The following DPH3 variants were observed in gnomAD, a reference collection of about 807,000 sequenced individuals.
DPH3 encodes the protein diphthamide biosynthesis protein 3.
A neutral mutation model predicts 10.2 loss-of-function variants in DPH3; 8 were observed. The observed-to-expected ratio is 0.79, with a 90% CI of 0.46 to 1.42. The LOEUF is 1.42. Among genes scored for constraint, DPH3 ranks in the 40% most tolerant of loss-of-function variants. DPH3 has a pLI of 0.00. For missense variants in DPH3, 96 were observed against 98.9 expected (o/e 0.97, Z 0.12); for synonymous variants, 35 against 35.6 (o/e 0.98, Z 0.06).
intron 1 of DPH3, 26 bp downstream of exon 1, chr3:16,264,743 A>G: frequency 6.2e-7 from 1 of 1,611,552 alleles, no homozygotes; most frequent in Non-Finnish European, 8.5e-7. Context: ...GCTTGGGTGA[A>G]CCGCCGGGCG....
rs955855815 is a variant in DPH3 at position 16,257,519 on chromosome 3, T to C, written c.*3245A>G. Among the ~76,000 whole-genome samples the C allele has an allele frequency of 2.0e-5, 3 of 152,246 alleles. No individual in the cohort carries two copies. Among genetic ancestry groups the C allele is most frequent in the Non-Finnish European group, 4.4e-5 (3 of 68,046 alleles). On this transcript the variant is annotated 3_prime_UTR_variant, in exon 3 of 3. Coordinates refer to ENST00000488423, the MANE Select transcript of DPH3 (RefSeq NM_206831.3). ...TAGCACATGACAGCTATTTTTCTAA[T>C]TGCAGAATGAATGGGTTCACACAGC...
chr3:16,260,673 T>G lies in DPH3; in HGVS notation c.*91A>C. On this transcript the variant is annotated 3_prime_UTR_variant, in exon 3 of 3. Transcript: ENST00000488423. ...CTCTTACAGAACAGCAAATCATAAA[T>G]GGTTGTCTCTGTGAAGCCAGTAGCT... 8.9e-7 allele frequency: 1 copy of G among 1,121,856 alleles called. No individual in the cohort carries two copies. The highest frequency in any genetic ancestry group is 1.3e-6 in the Non-Finnish European group (1 of 761,126). 69.5% of individuals were successfully genotyped at this position (1,121,856 alleles called of 1,614,324 possible).
rs1372670958 is a variant in DPH3, at chr3:16,259,601, T to A, written c.*1163A>T. ...GATTCTAATTTCTTGCTATGCTTAGTACTGCAGCAAAAGAAGGGTGATAGC... is the reference window on the plus strand; with the variant it reads ...GATTCTAATTTCTTGCTATGCTTAGAACTGCAGCAAAAGAAGGGTGATAGC... On this transcript the variant is annotated 3_prime_UTR_variant, in exon 3 of 3. Transcript: ENST00000488423. 1 of 152,262 alleles carries A rather than the reference T, an allele frequency of 6.6e-6. No individual in the cohort carries two copies. The highest frequency in any genetic ancestry group is 2.4e-5 in the African/African-American group (1 of 41,472). The allele number at this position is 152,262 out of a possible 1,614,324, so 9.4% of individuals were successfully genotyped here.
Position 16,260,672 on chromosome 3 carries a change from A to G in DPH3, c.*92T>C, listed in dbSNP as rs1026923751. 6 of 1,122,084 alleles carry G rather than the reference A, an allele frequency of 5.3e-6. No individual in the cohort carries two copies. Among genetic ancestry groups the G allele is most frequent in the Non-Finnish European group, 6.6e-6 (5 of 762,052 alleles). The allele number at this position is 1,122,084 out of a possible 1,614,324, so 69.5% of individuals were successfully genotyped here. ...ACTCTTACAGAACAGCAAATCATAA[A>G]TGGTTGTCTCTGTGAAGCCAGTAGC... On this transcript the variant is annotated 3_prime_UTR_variant, in exon 3 of 3. Coordinates refer to ENST00000488423, the MANE Select transcript of DPH3 (RefSeq NM_206831.3).
intron 1 of DPH3, 62 bp downstream of exon 1, chr3:16,264,707 G>A: frequency 6.6e-7 from 1 of 1,508,538 alleles, no homozygotes. Context: ...AATGATGGAA[G>A]GAACGGGCGG....
At position 16,262,213 on chromosome 3, in the gene DPH3, A is replaced by G. The variant is rs2064296707; in HGVS notation, c.184-1384T>C. 6.6e-6 allele frequency among the ~76,000 whole-genome samples: 1 copy of G among 152,168 alleles called. No homozygotes were observed. Among genetic ancestry groups the G allele is most frequent in the South Asian group, 2.1e-4 (1 of 4,826 alleles). On this transcript the variant is annotated intron_variant, in intron 2 of 2. Transcript: ENST00000488423. The surrounding 1 kb of genome is among the most constrained non-coding windows in gnomAD (Gnocchi z 4.7). The stretch of plus-strand genomic sequence containing the variant: ...GCTCTCCTTTGCAGCAAACTCCTTA[A>G]AAGAAATGCCTATACTCACTGCCTT...
rs1460655835 is a variant in DPH3, at chr3:16,261,786, T to C, written c.184-957A>G. On this transcript the variant is annotated intron_variant, in intron 2 of 2. Transcript: ENST00000488423. This position sits in a 1 kb window ranked among gnomAD's most constrained non-coding sequence, Gnocchi z 7.1. ...TCTCAGAGTCCTAGTACCAGAGGGA[T>C]TGGAAGTGGGGCTAGTTCCTCCTTT... Among the ~76,000 whole-genome samples, 1 of 152,216 alleles carries C rather than the reference T, an allele frequency of 6.6e-6. No individual in the cohort carries two copies. Among genetic ancestry groups the C allele is most frequent in the Admixed American group, 6.5e-5 (1 of 15,284 alleles).
In DPH3 at chr3:16,264,192, G is replaced by A. The variant is rs761761915; in HGVS notation, c.146C>T (p.Pro49Leu). ...CACTTTTATAATGAGAGAGCAGCTAGGACACGTTGCCACGTCTTCCCCATT... is the reference window on the plus strand; with the variant it reads ...CACTTTTATAATGAGAGAGCAGCTAAGACACGTTGCCACGTCTTCCCCATT... ...LENGEDVATC[P>L]SCSLIIKVIY... is the part of the protein sequence containing the mutation. The change falls in exon 2 of 3, where the codon CCT (proline) becomes CTT (leucine). Residue 49 changes from proline (P) to leucine (L), a missense_variant. Pro to Leu is a moderately conservative substitution (Grantham distance 98). Transcript: ENST00000488423. 1.2e-6 allele frequency: 2 copies of A among 1,611,462 alleles called. No individual in the cohort carries two copies. Among genetic ancestry groups the A allele is most frequent in the Non-Finnish European group, 1.7e-6 (2 of 1,178,216 alleles).
In DPH3 at chr3:16,259,214, G is replaced by C. The variant is rs984208404; in HGVS notation, c.*1550C>G. On this transcript the variant is annotated 3_prime_UTR_variant, in exon 3 of 3. Transcript: ENST00000488423. ...GCAAAGCAGTTGTGGATTACTTCTG[G>C]GATGTCAGTGTCCCAAATGGCAATG... 6.6e-6 allele frequency: 1 copy of C among 152,214 alleles called. No individual in the cohort carries two copies. Among genetic ancestry groups the C allele is most frequent in the African/African-American group, 2.4e-5 (1 of 41,454 alleles). The allele number at this position is 152,214 out of a possible 1,614,324, so 9.4% of individuals were successfully genotyped here.
chr3:16,262,722 T>C lies in DPH3; in HGVS notation c.183+1433A>G, dbSNP rs1193988016. Among the ~76,000 whole-genome samples, 1 of 152,182 alleles carries C rather than the reference T, an allele frequency of 6.6e-6. No homozygotes were observed. The highest frequency in any genetic ancestry group is 1.9e-4 in the East Asian group (1 of 5,196). ...CCAATTGCCTTCTCAACAGCTCAAC[T>C]TGGATGACAGACCTCTCACTTAGTA... On this transcript the variant is annotated intron_variant, in intron 2 of 2. Transcript: ENST00000488423. This position sits in a 1 kb window ranked among gnomAD's most constrained non-coding sequence, Gnocchi z 4.7.
chr3:16,264,139 A>C lies in DPH3; in HGVS notation c.183+16T>G. ...CTTACAATACCCTTCCCCCGTTTTA[A>C]AATTATATCCCTTACTTTGTCATAA... On this transcript the variant is annotated intron_variant, in intron 2 of 2. Transcript: ENST00000488423. The C allele has an allele frequency of 1.3e-6, 2 of 1,592,728 alleles. No individual in the cohort carries two copies. The highest frequency in any genetic ancestry group is 1.7e-6 in the Non-Finnish European group (2 of 1,164,802).
rs947302690 is a variant in DPH3 at position 16,257,500 on chromosome 3, A to G, written c.*3264T>C. Among the ~76,000 whole-genome samples the G allele has an allele frequency of 6.6e-6, 1 of 152,262 alleles. No individual in the cohort carries two copies. Among genetic ancestry groups the G allele is most frequent in the Non-Finnish European group, 1.5e-5 (1 of 68,046 alleles). On this transcript the variant is annotated 3_prime_UTR_variant, in exon 3 of 3. Coordinates refer to ENST00000488423, the MANE Select transcript of DPH3 (RefSeq NM_206831.3). ...TACTTCTTTGCCTAGTGCATAGCAC[A>G]TGACAGCTATTTTTCTAATTGCAGA...
chr3:16,264,028 C>T lies in DPH3; in HGVS notation c.183+127G>A, dbSNP rs116136494. 2.5e-3 allele frequency: 1,212 copies of T among 488,118 alleles called. 16 individuals are homozygous for T. The highest frequency in any genetic ancestry group is 0.019 in the African/African-American group (941 of 50,302). The allele number at this position is 488,118 out of a possible 1,614,324, so 30.2% of individuals were successfully genotyped here. A position where few individuals can be genotyped will look rare whatever the true frequency, so the allele number is the denominator to read the frequency against. On this transcript the variant is annotated intron_variant, in intron 2 of 2. Coordinates refer to ENST00000488423, the MANE Select transcript of DPH3 (RefSeq NM_206831.3). ...TTTATCAATGGTGTTTAAAACCTGC[C>T]TAAAAAAATACCGCACTTTACCTAG... is the stretch of plus-strand genomic sequence containing the variant.
intron 1 of DPH3, chr3:16,264,545 C>G: frequency 1.7e-6 from 1 of 588,744 alleles, no homozygotes; most frequent in South Asian, 2.1e-5. Flanking sequence ...GACAGAGGCT[C>G]TCCGCCACCC....
At chr3:16,264,600 G>C (rs1274482410) in intron 1 of DPH3, 169 bp downstream of exon 1, 1 of 673,796 alleles carries the variant, frequency 1.5e-6, no homozygotes, top group African/African-American at 1.8e-5. Flanking sequence ...CCTACCGAGA[G>C]AGCTCAGGGC....
rs952009895 is a variant in DPH3, at chr3:16,258,073, C to A, written c.*2691G>T. The A allele has an allele frequency of 3.9e-5, 6 of 152,120 alleles. No homozygotes were observed. Among genetic ancestry groups the A allele is most frequent in the African/African-American group, 1.4e-4 (6 of 41,426 alleles). 9.4% of individuals were successfully genotyped at this position (152,120 alleles called of 1,614,324 possible). A position where few individuals can be genotyped will look rare whatever the true frequency, so the allele number is the denominator to read the frequency against. On this transcript the variant is annotated 3_prime_UTR_variant, in exon 3 of 3. Transcript: ENST00000488423. ...TTATAAAAAATGTTGGGTACTTTTT[C>A]CAAGAAAAATGTTTCTGAATGTGCA...
At position 16,259,850 on chromosome 3, in the gene DPH3, T is replaced by C. The variant is rs1199636630; in HGVS notation, c.*914A>G. On this transcript the variant is annotated 3_prime_UTR_variant, in exon 3 of 3. Transcript: ENST00000488423. ...AAGCACAGCTACCAGCCATGGAAAT[T>C]TGACGTTAACCCCTACCTGGAATGC... The C allele has an allele frequency of 6.6e-6, 1 of 152,244 alleles. No individual in the cohort carries two copies. Among genetic ancestry groups the C allele is most frequent in the Non-Finnish European group, 1.5e-5 (1 of 68,046 alleles). The allele number at this position is 152,244 out of a possible 1,614,324, so 9.4% of individuals were successfully genotyped here.
In DPH3 at chr3:16,259,498, C is replaced by T. The variant is rs993449650; in HGVS notation, c.*1266G>A. On this transcript the variant is annotated 3_prime_UTR_variant, in exon 3 of 3. Coordinates refer to ENST00000488423, the MANE Select transcript of DPH3 (RefSeq NM_206831.3). ...TCCTAAAACAACCTGACGGACATCACTGCATTAATAAATATTTTTTATTTA... is the reference window on the plus strand; with the variant it reads ...TCCTAAAACAACCTGACGGACATCATTGCATTAATAAATATTTTTTATTTA... 17 of 152,178 alleles carry T rather than the reference C, an allele frequency of 1.1e-4. No individual in the cohort carries two copies. The highest frequency in any genetic ancestry group is 4.1e-4 in the African/African-American group (17 of 41,432). 9.4% of individuals were successfully genotyped at this position (152,178 alleles called of 1,614,324 possible). A position where few individuals can be genotyped will look rare whatever the true frequency, so the allele number is the denominator to read the frequency against.
rs925309993 is a variant in DPH3, at chr3:16,264,287, C to G, written c.109-58G>C. On this transcript the variant is annotated intron_variant, in intron 1 of 2. Transcript: ENST00000488423. Reference sequence around the variant, plus strand: ...TAGCTTCTCTTCGCCATCTCCTCCCCCAAACCTATCCCACCCCTAGATGCA... The same window carrying G: ...TAGCTTCTCTTCGCCATCTCCTCCCGCAAACCTATCCCACCCCTAGATGCA... 43 of 1,388,342 alleles carry G rather than the reference C, an allele frequency of 3.1e-5. No individual in the cohort carries two copies. The South Asian group carries it at 4.7e-4, about 15-fold the overall frequency. 86.0% of individuals were successfully genotyped at this position (1,388,342 alleles called of 1,614,324 possible).
Sources: allele counts gnomAD v4.1 joint callset (sites outside exome capture counted in the v4.1 genomes callset), GRCh38; gene constraint gnomAD v4.1.1; non-coding constraint Gnocchi (gnomAD v3.1); transcripts MANE v1.5; gene names NCBI Gene and HGNC (gene_info 2026-07-23, HGNC 2026-07-21).